Variants in ACOX3 observed in about 807,000 individuals in gnomAD.
ACOX3 encodes acyl-CoA oxidase 3, pristanoyl.
ACOX3 carries 73 observed loss-of-function variants against 81.5 expected under a neutral mutation model. That is an observed-to-expected ratio of 0.90 (90% CI 0.74 to 1.09). The LOEUF is 1.09. Among genes scored for constraint, ACOX3 ranks in the 50% least tolerant of loss-of-function variants. The pLI is 0.00. For missense variants in ACOX3, 947 were observed against 928.0 expected (o/e 1.02, Z -0.27); for synonymous variants, 387 against 375.1 (o/e 1.03, Z -0.37).
intron 13 of ACOX3, among the ~76,000 whole-genome samples, chr4:8,387,314 C>A (rs1195757243): frequency 2.6e-5 from 4 of 152,196 alleles, no homozygotes; most frequent in Non-Finnish European, 5.9e-5. Context: ...GGTGTAGGTT[C>A]CACGGCCAGC....
In ACOX3 at chr4:8,425,197, G is replaced by A. The variant is rs564582595; in HGVS notation, c.-14-8662C>T. ...CTGCCGGGGTGATCAGAAAGGAAAG[G>A]AAAGAGAAATAGAAGGGAACCGCGA... On this transcript the variant is annotated intron_variant, in intron 1 of 17. Transcript: ENST00000356406. 9.2e-5 allele frequency among the ~76,000 whole-genome samples: 14 copies of A among 152,228 alleles called. 1 individual carries two copies. In the South Asian group the frequency reaches 2.9e-3, roughly 32 times the overall value.
Position 8,386,648 on chromosome 4 carries a change from A to G in ACOX3, c.1537+2525T>C, listed in dbSNP as rs1718339650. 6.6e-6 allele frequency among the ~76,000 whole-genome samples: 1 copy of G among 152,118 alleles called. No homozygotes were observed. Among genetic ancestry groups the G allele is most frequent in the African/African-American group, 2.4e-5 (1 of 41,446 alleles). On this transcript the variant is annotated intron_variant, in intron 13 of 17. Coordinates refer to ENST00000356406, the MANE Select transcript of ACOX3 (RefSeq NM_003501.3). This position sits in a 1 kb window ranked among gnomAD's most constrained non-coding sequence, Gnocchi z 5.2. ...GTCCCCGTTTCCCACTGGCACCCAAAAAGGCAGGCTAAGATCTGCACGGTT... is the reference window on the plus strand; with the variant it reads ...GTCCCCGTTTCCCACTGGCACCCAAGAAGGCAGGCTAAGATCTGCACGGTT...
intron 10 of ACOX3, among the ~76,000 whole-genome samples, chr4:8,393,623 A>G (rs971226133): frequency 8.7e-6 from 1 of 114,994 alleles, no homozygotes; most frequent in East Asian, 2.3e-4. Context: ...ACGCACACAC[A>G]CACACACACA....
intron 1 of ACOX3, among the ~76,000 whole-genome samples, chr4:8,420,466 A>C (rs1007814544): frequency 6.6e-6 from 1 of 152,196 alleles, no homozygotes; most frequent in Non-Finnish European, 1.5e-5. Context: ...CTTGTAACTC[A>C]GCTCACACCA....
rs765377323 is a variant in ACOX3, at chr4:8,407,990, C to T, written c.688-1947G>A. The stretch of plus-strand genomic sequence containing the variant: ...TCAGCCCAGCCCTGGGCATACAGGG[C>T]GCCCCAGTGAGTACTACCCAGCCCA... On this transcript the variant is annotated intron_variant, in intron 6 of 17. Coordinates refer to ENST00000356406, the MANE Select transcript of ACOX3 (RefSeq NM_003501.3). The surrounding 1 kb of genome is among the most constrained non-coding windows in gnomAD (Gnocchi z 4.6). 2.0e-5 allele frequency among the ~76,000 whole-genome samples: 3 copies of T among 152,172 alleles called. No individual in the cohort carries two copies. The highest frequency in any genetic ancestry group is 2.9e-5 in the Non-Finnish European group (2 of 68,030).
chr4:8,383,237 C>A (rs1054931886), intron 13 of ACOX3, among the ~76,000 whole-genome samples: 1 of 152,210 alleles, frequency 6.6e-6, no homozygotes. Flanking sequence ...CAGGGTTGGG[C>A]GGAGGCTTCC....
intron 16 of ACOX3, among the ~76,000 whole-genome samples, chr4:8,372,220 G>C (rs1285635842): frequency 6.6e-6 from 1 of 152,176 alleles, no homozygotes; most frequent in East Asian, 1.9e-4. Flanking sequence ...TCAGCCTCTT[G>C]AGCAGCTGGG....
intron 14 of ACOX3, among the ~76,000 whole-genome samples, chr4:8,375,386 C>A (rs1716817111): frequency 6.6e-6 from 1 of 152,228 alleles, no homozygotes; most frequent in South Asian, 2.1e-4. Flanking sequence ...CCACCGACGC[C>A]CTCCAAGGCC....
rs1224214296 is a variant in ACOX3 at position 8,399,775 on chromosome 4, A to G, written c.777-123T>C. On this transcript the variant is annotated intron_variant, in intron 7 of 17. Transcript: ENST00000356406. This position sits in a 1 kb window ranked among gnomAD's most constrained non-coding sequence, Gnocchi z 4.9. Reference sequence around the variant, plus strand: ...ACAAAGAAAATGGCAGAGGGCAAGTAGACAGGAACATTCAACCAACTTTCT... The same window carrying G: ...ACAAAGAAAATGGCAGAGGGCAAGTGGACAGGAACATTCAACCAACTTTCT... 8.8e-6 allele frequency: 7 copies of G among 798,762 alleles called. No individual in the cohort carries two copies. The highest frequency in any genetic ancestry group is 1.4e-5 in the Non-Finnish European group (7 of 489,292). The allele number at this position is 798,762 out of a possible 1,614,324, so 49.5% of individuals were successfully genotyped here. A position where few individuals can be genotyped will look rare whatever the true frequency, so the allele number is the denominator to read the frequency against.
chr4:8,419,198 G>A lies in ACOX3; in HGVS notation c.-14-2663C>T, dbSNP rs1198477145. The stretch of plus-strand genomic sequence containing the variant: ...TGCCTGTAATCCCAGCACTTTGGGA[G>A]GCCCAGACAGGTGGATCATGAGGTC... On this transcript the variant is annotated intron_variant, in intron 1 of 17. Transcript: ENST00000356406. The surrounding 1 kb of genome is among the most constrained non-coding windows in gnomAD (Gnocchi z 4.2). Among the ~76,000 whole-genome samples, 1 of 152,100 alleles carries A rather than the reference G, an allele frequency of 6.6e-6. No individual in the cohort carries two copies. The highest frequency in any genetic ancestry group is 1.5e-5 in the Non-Finnish European group (1 of 68,018).
chr4:8,379,603 G>A (rs1560171359), intron 14 of ACOX3, among the ~76,000 whole-genome samples: 1 of 152,074 alleles, frequency 6.6e-6, no homozygotes, highest in South Asian at 2.1e-4. Context: ...CCACACACTC[G>A]GGGTGTTGTG....
chr4:8,370,578 A>T lies in ACOX3; in HGVS notation c.1983+330T>A, dbSNP rs1278022347. ...TGGTCAGATGGGGGTAAGACCTGGG[A>T]CCGGGGAGGCCGGGGGGAGTGGGAG... On this transcript the variant is annotated intron_variant, in intron 17 of 17. Coordinates refer to ENST00000356406, the MANE Select transcript of ACOX3 (RefSeq NM_003501.3). The surrounding 1 kb of genome is among the most constrained non-coding windows in gnomAD (Gnocchi z 6.3). Among the ~76,000 whole-genome samples the T allele has an allele frequency of 1.4e-5, 2 of 145,376 alleles. No individual in the cohort carries two copies. The highest frequency in any genetic ancestry group is 3.0e-5 in the Non-Finnish European group (2 of 66,628).
Position 8,375,119 on chromosome 4 carries a change from C to T in ACOX3, c.1687G>A (p.Val563Met), listed in dbSNP as rs1462079403. The part of the protein sequence containing the change: ...SHGRPLALAF[V>M]ELTVVQRFHE... ...AACCTCTGGACCACCGTGAGCTCCACGAAGGCCAGCGCCAACGGACGGCCG... is the reference window on the plus strand; with the variant it reads ...AACCTCTGGACCACCGTGAGCTCCATGAAGGCCAGCGCCAACGGACGGCCG... The change falls in exon 15 of 18, where the codon GTG becomes ATG. Residue 563 changes from valine to methionine, a missense_variant. By Grantham distance (21) the Val-to-Met change is conservative. Transcript: ENST00000356406. 13 of 1,553,178 alleles carry T rather than the reference C, an allele frequency of 8.4e-6. No individual in the cohort carries two copies. The highest frequency in any genetic ancestry group is 3.9e-5 in the Admixed American group (2 of 51,100).
chr4:8,414,998 A>G lies in ACOX3; in HGVS notation c.379-70T>C, dbSNP rs796496697. 28 of 1,411,760 alleles carry G rather than the reference A, an allele frequency of 2.0e-5. No homozygotes were observed. In the African/African-American group the frequency reaches 3.1e-4, roughly 16 times the overall value. 87.5% of individuals were successfully genotyped at this position (1,411,760 alleles called of 1,614,324 possible). ...AGTACTGCTCTTCCGGAACATCACA[A>G]CAGACAACGGCACTCAACACCATGC... On this transcript the variant is annotated intron_variant, in intron 3 of 17. Transcript: ENST00000356406. The surrounding 1 kb of genome is among the most constrained non-coding windows in gnomAD (Gnocchi z 6.1).
At chr4:8,373,438 G>A (rs1006894448) in intron 16 of ACOX3, 123 bp downstream of exon 16, 20 of 990,154 alleles carry the variant, frequency 2.0e-5, no homozygotes, top group East Asian at 5.2e-5. Context: ...CTAAGGGGGT[G>A]CGTGTCAGTC....
chr4:8,412,546 A>G (rs150557110), intron 5 of ACOX3, among the ~76,000 whole-genome samples: 15 of 152,108 alleles, frequency 9.9e-5, no homozygotes, highest in South Asian at 2.1e-4. Context: ...ATGAATGGAC[A>G]GATGGAAGAA....
rs1005997704 is a variant in ACOX3, at chr4:8,385,967, T to C, written c.1537+3206A>G. On this transcript the variant is annotated intron_variant, in intron 13 of 17. Coordinates refer to ENST00000356406, the MANE Select transcript of ACOX3 (RefSeq NM_003501.3). This position sits in a 1 kb window ranked among gnomAD's most constrained non-coding sequence, Gnocchi z 5.5. ...AGTGAAAGCCATTTGCCTTTGTTAC[T>C]CCGGAAAACGTTTTCACTTTGTTGC... Among the ~76,000 whole-genome samples, 7 of 152,330 alleles carry C rather than the reference T, an allele frequency of 4.6e-5. No individual in the cohort carries two copies. In the East Asian group the frequency reaches 1.4e-3, roughly 29 times the overall value.
intron 1 of ACOX3, among the ~76,000 whole-genome samples, chr4:8,421,462 G>A (rs192027810): frequency 3.2e-4 from 48 of 152,334 alleles, no homozygotes; most frequent in Admixed American, 1.2e-3. Context: ...AGATCATGGC[G>A]CAGCCAGAAG....
In ACOX3 at chr4:8,407,013, C is replaced by T. The variant is rs1560192233; in HGVS notation, c.688-970G>A. Among the ~76,000 whole-genome samples the T allele has an allele frequency of 1.3e-5, 2 of 152,166 alleles. No homozygotes were observed. The highest frequency in any genetic ancestry group is 2.9e-5 in the Non-Finnish European group (2 of 68,030). On this transcript the variant is annotated intron_variant, in intron 6 of 17. Transcript: ENST00000356406. The surrounding 1 kb of genome is among the most constrained non-coding windows in gnomAD (Gnocchi z 4.6). The stretch of plus-strand genomic sequence containing the variant: ...AGTCTGCTAAGTAGCAGGTGTTTTT[C>T]CTTGACACTTATGCTACCGCTAGAC...
Sources: gnomAD v4.1 joint callset for allele counts (sites outside exome capture counted in the v4.1 genomes callset) on GRCh38, gnomAD v4.1.1 for gene constraint, Gnocchi (gnomAD v3.1) non-coding constraint, MANE v1.5 for transcripts, NCBI Gene and HGNC (gene_info 2026-07-23, HGNC 2026-07-21) for gene names.